Variants in NELL2 observed in about 807,000 individuals in gnomAD.
NELL2 encodes protein kinase C-binding protein NELL2.
NELL2 carries 41 observed loss-of-function variants against 109.6 expected under a neutral mutation model. That is an observed-to-expected ratio of 0.37 (90% CI 0.29 to 0.49). The LOEUF is 0.49. Among genes scored for constraint, NELL2 ranks in the 20% least tolerant of loss-of-function variants. The pLI is 0.98. For synonymous variants in NELL2, 355 were observed against 344.7 expected, an observed-to-expected ratio of 1.03 and a Z score of -0.33; for missense variants, 900 against 1,008.3, an observed-to-expected ratio of 0.89 and a Z score of 1.45.
At chr12:44,638,020 C>T (rs1456651290) in intron 13 of NELL2, among the ~76,000 whole-genome samples, 1 of 152,038 alleles carries the variant, frequency 6.6e-6, no homozygotes, top group Non-Finnish European at 1.5e-5. Context: ...GTCAGATTCC[C>T]TCATCCTCTG....
intron 15 of NELL2, among the ~76,000 whole-genome samples, chr12:44,601,992 A>C (rs1342477527): frequency 1.3e-5 from 2 of 152,178 alleles, no homozygotes; most frequent in Non-Finnish European, 2.9e-5. Context: ...ATCTTATTTA[A>C]AACAGATTAA....
In NELL2 at chr12:44,532,721, T is replaced by A. The variant is rs1248517400; in HGVS notation, c.1664A>T (p.Asp555Val). 6.2e-7 allele frequency: 1 copy of A among 1,602,000 alleles called. No homozygotes were observed. The highest frequency in any genetic ancestry group is 1.7e-5 in the Admixed American group (1 of 57,692). ...QGFTGPSCET[D>V]IDECSDGFVQ... ...AAAACCATCAGAGCATTCATCAATG[T>A]CTGGCAAAAAAAGAGGGATTTTATA... Residue 555 changes from aspartate to valine, a missense_variant and splice_region_variant, in exon 16 of 20, where the codon GAC (aspartate) becomes GTC (valine). Around this residue, in one of 4 missense-constraint regions of NELL2, gnomAD observed 333 missense variants for 432.3 expected, o/e 0.77. Transcript: ENST00000429094.
At chr12:44,828,282 G>T (rs1301494243) in intron 2 of NELL2, among the ~76,000 whole-genome samples, 2 of 151,970 alleles carry the variant, frequency 1.3e-5, no homozygotes, top group East Asian at 3.9e-4. Context: ...CACATTTAAT[G>T]ATGCCACTTC....
At chr12:44,742,829 C>T (rs1464662404) in intron 9 of NELL2, among the ~76,000 whole-genome samples, 16 of 152,066 alleles carry the variant, frequency 1.1e-4, no homozygotes, top group Admixed American at 8.5e-4. Flanking sequence ...GTCTGATTGG[C>T]GTACCTGAAA....
upstream of NELL2, among the ~76,000 whole-genome samples, chr12:44,879,132 T>C (rs1945383330): frequency 3.9e-5 from 6 of 151,990 alleles, no homozygotes; most frequent in South Asian, 6.2e-4. Context: ...GATGGGAAAA[T>C]ATAGAAGGGC....
chr12:44,793,381 T>C (rs1262576029), intron 3 of NELL2, among the ~76,000 whole-genome samples: 1 of 152,184 alleles, frequency 6.6e-6, no homozygotes, highest in Admixed American at 6.5e-5. Context: ...AATAATAAAG[T>C]GTATTTGCAT....
intron 15 of NELL2, among the ~76,000 whole-genome samples, chr12:44,537,919 A>C (rs1942367953): frequency 6.6e-6 from 1 of 152,184 alleles, no homozygotes; most frequent in African/African-American, 2.4e-5. Flanking sequence ...AACATATGTA[A>C]GTAAAAATGG....
intron 15 of NELL2, among the ~76,000 whole-genome samples, chr12:44,578,195 TTTTTTACTAAC>T (rs1944181858): frequency 1.3e-5 from 2 of 152,140 alleles, no homozygotes. Context: ...AATTATTTTT[TTTTTTACTAAC>T]TTTCTTCAAG....
chr12:44,881,150 C>T (rs1945407427), upstream of NELL2, among the ~76,000 whole-genome samples: 1 of 151,898 alleles, frequency 6.6e-6, no homozygotes, highest in Non-Finnish European at 1.5e-5. Context: ...TCTAAAAATC[C>T]AACATTCACC....
chr12:44,859,502 T>C (rs566714868), intron 2 of NELL2, among the ~76,000 whole-genome samples: 1 of 152,144 alleles, frequency 6.6e-6, no homozygotes, highest in South Asian at 2.1e-4. Context: ...GATTGCACCA[T>C]TGCACTCCAG....
chr12:44,670,607 C>T (rs992504251), intron 12 of NELL2, among the ~76,000 whole-genome samples: 22 of 113,196 alleles, frequency 1.9e-4, no homozygotes, highest in Admixed American at 9.0e-4. Context: ...AGAGAAGGGA[C>T]GAAAAAAAAT....
At chr12:44,733,031 C>T (rs957348467) in intron 9 of NELL2, among the ~76,000 whole-genome samples, 1 of 151,820 alleles carries the variant, frequency 6.6e-6, no homozygotes, top group African/African-American at 2.4e-5. Context: ...TTGTCATTAC[C>T]AAAAACAAAC....
At chr12:44,671,574 A>T (rs1948139405) in intron 12 of NELL2, among the ~76,000 whole-genome samples, 1 of 152,160 alleles carries the variant, frequency 6.6e-6, no homozygotes, top group Non-Finnish European at 1.5e-5. Flanking sequence ...GATAAACAAA[A>T]ATGGGGACCA....
intron 9 of NELL2, among the ~76,000 whole-genome samples, chr12:44,716,131 A>G (rs763169160): frequency 2.6e-5 from 4 of 152,088 alleles, no homozygotes; most frequent in Non-Finnish European, 5.9e-5. Flanking sequence ...ATATTGTTGT[A>G]CAAATATTCA....
At chr12:44,867,998 T>C (rs1945052621) in intron 2 of NELL2, among the ~76,000 whole-genome samples, 1 of 151,324 alleles carries the variant, frequency 6.6e-6, no homozygotes, top group South Asian at 2.1e-4. Context: ...CGGGTGCCTG[T>C]AATCTCAGCT....
intron 9 of NELL2, among the ~76,000 whole-genome samples, chr12:44,744,735 C>T (rs1225441158): frequency 1.3e-5 from 2 of 152,170 alleles, no homozygotes; most frequent in Admixed American, 1.3e-4. Flanking sequence ...CACATACATC[C>T]TCCTAAGACT....
intron 9 of NELL2, among the ~76,000 whole-genome samples, chr12:44,732,919 T>C (rs544286024): frequency 7.9e-5 from 12 of 152,126 alleles, no homozygotes; most frequent in Non-Finnish European, 1.3e-4. Flanking sequence ...AAAAAAGATA[T>C]ATAAATGGCC....
chr12:44,867,005 G>T (rs1209657386), intron 2 of NELL2, among the ~76,000 whole-genome samples: 2 of 151,994 alleles, frequency 1.3e-5, no homozygotes, highest in Non-Finnish European at 2.9e-5. Flanking sequence ...ATAATAAAAA[G>T]TCCTTCATCA....
chr12:44,592,589 T>C (rs1944796340), intron 15 of NELL2, among the ~76,000 whole-genome samples: 1 of 151,974 alleles, frequency 6.6e-6, no homozygotes, highest in South Asian at 2.1e-4. Flanking sequence ...AGAGAAACAG[T>C]CCAGGGAAAA....
Sources: gnomAD v4.1 joint callset for allele counts (sites outside exome capture counted in the v4.1 genomes callset) on GRCh38, gnomAD v4.1.1 for gene constraint, gnomAD v4.1.1 regional missense constraint, MANE v1.5 for transcripts, NCBI Gene and HGNC (gene_info 2026-07-23, HGNC 2026-07-21) for gene names.